GCH1: variants seen among roughly 807,000 people sequenced by gnomAD.
GCH1 encodes GTP cyclohydrolase 1.
GCH1 carries 5 observed loss-of-function variants against 25.9 expected under a neutral mutation model. The observed-to-expected ratio is 0.19, with a 90% CI of 0.10 to 0.41. The LOEUF is 0.41. Ranked by LOEUF, GCH1 falls within the 10% of genes least tolerant of loss-of-function variation. GCH1 has a pLI of 1.00. For synonymous variants in GCH1, 159 were observed against 129.6 expected (o/e 1.23, Z -1.54); for missense variants, 261 against 336.5 (o/e 0.78, Z 1.75).
In GCH1 at chr14:54,868,903, T is replaced by C. The variant is rs1044189229; in HGVS notation, c.344-3467A>G. On this transcript the variant is annotated intron_variant, in intron 1 of 5. Coordinates refer to ENST00000491895, the MANE Select transcript of GCH1 (RefSeq NM_000161.3). Reference sequence around the variant, plus strand: ...GCGTGAGCCACCGTACCTGGCCTTATTATTATTATTATTATTTTAGAGATG... The same window carrying C: ...GCGTGAGCCACCGTACCTGGCCTTACTATTATTATTATTATTTTAGAGATG... Among the ~76,000 whole-genome samples, 14 of 151,064 alleles carry C rather than the reference T, an allele frequency of 9.3e-5. 1 individual carries two copies. Among genetic ancestry groups the C allele is most frequent in the South Asian group, 4.2e-4 (2 of 4,776 alleles).
chr14:54,843,783 C>T lies in GCH1; in HGVS notation c.*234G>A, dbSNP rs370446027. 4 of 1,613,938 alleles carry T rather than the reference C, an allele frequency of 2.5e-6. No homozygotes were observed. The highest frequency in any genetic ancestry group is 3.4e-6 in the Non-Finnish European group (4 of 1,179,936). On this transcript the variant is annotated 3_prime_UTR_variant, in exon 6 of 6. Coordinates refer to ENST00000491895, the MANE Select transcript of GCH1 (RefSeq NM_000161.3). ...CAGTGGTTTTGTGCACGTACTTACA[C>T]TATTAGCAGTTCACTTTAATATTGC...
At position 54,850,324 on chromosome 14, in the gene GCH1, T is replaced by TC. The variant is rs71448414; in HGVS notation, c.510-3195dup. On this transcript the variant is annotated intron_variant, in intron 3 of 5. Transcript: ENST00000491895. ...TAGGTTCTTTTTTTTTTTTTTTTTT[T>TC]CCCCCGAGACAGAGTCTCCCTCTTG... is the stretch of plus-strand genomic sequence containing the variant. Among the ~76,000 whole-genome samples the TC allele has an allele frequency of 2.2e-4, 30 of 133,944 alleles. No individual in the cohort carries two copies. In the South Asian group the frequency reaches 3.1e-3, roughly 14 times the overall value. The allele number at this position is 133,944 out of a possible 152,430, so 87.9% of individuals were successfully genotyped here. A position where few individuals can be genotyped will look rare whatever the true frequency, so the allele number is the denominator to read the frequency against.
At chr14:54,902,277 G>A (rs761275544) in intron 1 of GCH1, 44 bp downstream of exon 1, 1 of 1,595,640 alleles carries the variant, frequency 6.3e-7, no homozygotes, top group Non-Finnish European at 8.5e-7. Context: ...TGCAAGCACC[G>A]CCCCCGCCGC....
intron 1 of GCH1, among the ~76,000 whole-genome samples, chr14:54,874,741 A>G (rs1302950149): frequency 1.3e-5 from 2 of 152,316 alleles, no homozygotes; most frequent in African/African-American, 4.8e-5. Context: ...CCCATTCACA[A>G]TTGCTTCAAA....
chr14:54,855,229 G>A (rs2039790540), intron 3 of GCH1, among the ~76,000 whole-genome samples: 1 of 152,178 alleles, frequency 6.6e-6, no homozygotes, highest in South Asian at 2.1e-4. Flanking sequence ...GCCAGGGCCA[G>A]GCGCGGTGGC....
chr14:54,896,580 C>T (rs1274571557), intron 1 of GCH1, among the ~76,000 whole-genome samples: 3 of 152,020 alleles, frequency 2.0e-5, no homozygotes, highest in Non-Finnish European at 2.9e-5. Flanking sequence ...ACATCTGGAG[C>T]CAGTGCACAC....
chr14:54,870,730 C>A (rs992327584), intron 1 of GCH1, among the ~76,000 whole-genome samples: 1 of 152,204 alleles, frequency 6.6e-6, no homozygotes, highest in Non-Finnish European at 1.5e-5. Flanking sequence ...GGGTCCTACT[C>A]CCACAGATCC....
rs1468091995 is a variant in GCH1 at position 54,843,956 on chromosome 14, A to C, written c.*61T>G. 1.2e-6 allele frequency: 2 copies of C among 1,613,828 alleles called. No homozygotes were observed. The highest frequency in any genetic ancestry group is 1.7e-6 in the Non-Finnish European group (2 of 1,179,910). On this transcript the variant is annotated 3_prime_UTR_variant, in exon 6 of 6. Transcript: ENST00000491895. ...AAATGGAATGTACAAACAAGACCGG[A>C]CAGACAGACAATGCTACTGGCAGTA...
intron 1 of GCH1, among the ~76,000 whole-genome samples, chr14:54,869,430 T>C (rs1164210639): frequency 6.6e-6 from 1 of 152,182 alleles, no homozygotes; most frequent in Non-Finnish European, 1.5e-5. Flanking sequence ...ATGAAAACTC[T>C]CTCTACTATC....
chr14:54,869,862 T>C (rs2040044181), intron 1 of GCH1, among the ~76,000 whole-genome samples: 1 of 152,182 alleles, frequency 6.6e-6, no homozygotes, highest in South Asian at 2.1e-4. Context: ...AGCAAGAAGA[T>C]GGAATGAATT....
intron 1 of GCH1, among the ~76,000 whole-genome samples, chr14:54,894,940 G>C (rs757277787): frequency 7.9e-5 from 12 of 151,914 alleles, no homozygotes; most frequent in African/African-American, 2.7e-4. Context: ...TTAAAACTTG[G>C]GATATAAACT....
At chr14:54,863,385 G>A (rs190360527) in intron 2 of GCH1, among the ~76,000 whole-genome samples, 64 of 120,184 alleles carry the variant, frequency 5.3e-4, no homozygotes, top group Non-Finnish European at 5.8e-4. Context: ...TCACACCACT[G>A]CAATCTAGCC....
Position 54,888,677 on chromosome 14 carries a change from T to TG in GCH1, c.343+13643_343+13644insC, listed in dbSNP as rs1254573006. ...ACAGGCGCCCACAACCACGCCCGGC[T>TG]AATTTTTTTTTTTTTTTTTGTATTT... On this transcript the variant is annotated intron_variant, in intron 1 of 5. Transcript: ENST00000491895. Among the ~76,000 whole-genome samples, 496 of 116,542 alleles carry TG rather than the reference T, an allele frequency of 4.3e-3. 1 individual carries two copies. Among genetic ancestry groups the TG allele is most frequent in the African/African-American group, 0.017 (463 of 26,656 alleles). The allele number at this position is 116,542 out of a possible 152,430, so 76.5% of individuals were successfully genotyped here. A position where few individuals can be genotyped will look rare whatever the true frequency, so the allele number is the denominator to read the frequency against.
rs754395380 is a variant in GCH1 at position 54,842,193 on chromosome 14, T to G, written c.*1824A>C. The G allele has an allele frequency of 4.6e-5, 7 of 152,518 alleles. No individual in the cohort carries two copies. Among genetic ancestry groups the G allele is most frequent in the Non-Finnish European group, 8.8e-5 (6 of 68,028 alleles). The allele number at this position is 152,518 out of a possible 1,614,324, so 9.4% of individuals were successfully genotyped here. ...AAGGTAATTTTGAAGTACTAAAGACTAGAGTAAAACAGACAAAGTCATTAC... is the reference window on the plus strand; with the variant it reads ...AAGGTAATTTTGAAGTACTAAAGACGAGAGTAAAACAGACAAAGTCATTAC... On this transcript the variant is annotated 3_prime_UTR_variant, in exon 6 of 6. Coordinates refer to ENST00000491895, the MANE Select transcript of GCH1 (RefSeq NM_000161.3).
In GCH1 at chr14:54,886,066, T is replaced by C. The variant is rs114475280; in HGVS notation, c.343+16255A>G. On this transcript the variant is annotated intron_variant, in intron 1 of 5. Coordinates refer to ENST00000491895, the MANE Select transcript of GCH1 (RefSeq NM_000161.3). ...GTACTTGTCTCCAGTGGCAGTGTACTCCAGGACCTCTTTGAGCCAGGTAAT... is the reference window on the plus strand; with the variant it reads ...GTACTTGTCTCCAGTGGCAGTGTACCCCAGGACCTCTTTGAGCCAGGTAAT... 6.0e-3 allele frequency: 1,164 copies of C among 193,956 alleles called. 16 individuals are homozygous for C. The highest frequency in any genetic ancestry group is 0.026 in the African/African-American group (1,097 of 42,250). The allele number at this position is 193,956 out of a possible 1,614,324, so 12.0% of individuals were successfully genotyped here.
At chr14:54,883,682 AAAAT>A (rs902458788) in intron 1 of GCH1, among the ~76,000 whole-genome samples, 5 of 152,120 alleles carry the variant, frequency 3.3e-5, no homozygotes, top group African/African-American at 1.2e-4. Context: ...CTGTCTCAAA[AAAAT>A]AAATAAATAA....
intron 2 of GCH1, 75 bp from the exon 3 acceptor site, chr14:54,859,811 G>C: frequency 1.2e-6 from 1 of 808,288 alleles, no homozygotes; most frequent in East Asian, 2.4e-5. Context: ...AGGAAATATA[G>C]AAAGAATATA....
rs1446811604 is a variant in GCH1 at position 54,902,778 on chromosome 14, GT to G, written c.-116del. On this transcript the variant is annotated 5_prime_UTR_variant, in exon 1 of 6. Coordinates refer to ENST00000491895, the MANE Select transcript of GCH1 (RefSeq NM_000161.3). ...CTGTGGCCGGAGTCACCTGAGGAAGGTACGCAACCTGCTTAGATCACACTCC... is the reference window on the plus strand; with the variant it reads ...CTGTGGCCGGAGTCACCTGAGGAAGGACGCAACCTGCTTAGATCACACTCC... 5.3e-6 allele frequency: 7 copies of G among 1,309,850 alleles called. No homozygotes were observed. In the South Asian group the frequency reaches 1.4e-4, roughly 26 times the overall value. 81.1% of individuals were successfully genotyped at this position (1,309,850 alleles called of 1,614,324 possible).
At position 54,842,806 on chromosome 14, in the gene GCH1, T is replaced by C; in HGVS notation, c.*1211A>G. On this transcript the variant is annotated 3_prime_UTR_variant, in exon 6 of 6. Transcript: ENST00000491895. ...GCCCACGCTGCCCCAATGGAGGAAATTTTAAGATAATCATTAATAAGGCAA... is the reference window on the plus strand; with the variant it reads ...GCCCACGCTGCCCCAATGGAGGAAACTTTAAGATAATCATTAATAAGGCAA... 2.5e-6 allele frequency: 1 copy of C among 407,010 alleles called. No homozygotes were observed. 25.2% of individuals were successfully genotyped at this position (407,010 alleles called of 1,614,324 possible). A position where few individuals can be genotyped will look rare whatever the true frequency, so the allele number is the denominator to read the frequency against.
Sources: allele counts gnomAD v4.1 joint callset (sites outside exome capture counted in the v4.1 genomes callset), GRCh38; gene constraint gnomAD v4.1.1; transcripts MANE v1.5; gene names NCBI Gene and HGNC (gene_info 2026-07-23, HGNC 2026-07-21).